Variants in LYPLAL1 observed in about 807,000 individuals in gnomAD.
LYPLAL1 encodes the protein lysophospholipase-like protein 1.
Under a neutral mutation model 19.7 loss-of-function variants are expected in LYPLAL1, and 23 were observed. The observed-to-expected ratio is 1.17, with a 90% confidence interval of 0.84 to 1.65. The LOEUF (loss-of-function observed/expected upper bound fraction) is 1.65, where lower values mean the gene tolerates loss of function less well. Among genes scored for constraint, LYPLAL1 ranks in the 40% most tolerant of loss-of-function variants. The probability of loss-of-function intolerance (pLI) is 0.00; values close to 1 mark genes in which losing one functional copy is unlikely to be tolerated. For synonymous variants in LYPLAL1, 119 were observed against 96.3 expected (o/e 1.24, Z -1.38); for missense variants, 355 against 279.4 (o/e 1.27, Z -1.93).
At chr1:219,254,416 G>A in the LYPLAL1 span, among the ~76,000 whole-genome samples, 1 of 151,968 alleles carries the variant, frequency 6.6e-6, no homozygotes, top group African/African-American at 2.4e-5. Context: ...TTAGCTGGTA[G>A]TGGTCTTTTC....
intron 2 of LYPLAL1, among the ~76,000 whole-genome samples, chr1:219,187,035 G>GT (rs142261162): frequency 6.0e-4 from 87 of 146,006 alleles, no homozygotes; most frequent in Non-Finnish European, 9.5e-4. Flanking sequence ...GTTCTTTGTT[G>GT]TTTTTTTTTT....
the LYPLAL1 span, among the ~76,000 whole-genome samples, chr1:219,327,847 C>T: frequency 6.6e-6 from 1 of 152,118 alleles, no homozygotes; most frequent in African/African-American, 2.4e-5. Context: ...GTAAGATGTG[C>T]CTTTCATCTT....
intron 2 of LYPLAL1, among the ~76,000 whole-genome samples, chr1:219,185,706 T>C (rs1314553739): frequency 6.6e-6 from 1 of 151,904 alleles, no homozygotes; most frequent in Non-Finnish European, 1.5e-5. Context: ...ACTGGAATCA[T>C]CTGAAGGCTC....
At chr1:219,434,686 G>C in the LYPLAL1 span, among the ~76,000 whole-genome samples, 2 of 152,200 alleles carry the variant, frequency 1.3e-5, no homozygotes, top group African/African-American at 4.8e-5. Context: ...CACCACTTCA[G>C]TTTAGTTAAG....
chr1:219,374,092 G>A, the LYPLAL1 span, among the ~76,000 whole-genome samples: 2 of 150,448 alleles, frequency 1.3e-5, no homozygotes, highest in Non-Finnish European at 3.0e-5. Flanking sequence ...ATATAACATT[G>A]GTTTTACAGT....
At chr1:219,298,392 G>A in the LYPLAL1 span, among the ~76,000 whole-genome samples, 2 of 152,334 alleles carry the variant, frequency 1.3e-5, no homozygotes, top group African/African-American at 4.8e-5. Context: ...CCTCACAAAT[G>A]TGTTATGCAT....
intron 3 of LYPLAL1, among the ~76,000 whole-genome samples, chr1:219,194,111 T>C (rs1321532308): frequency 6.6e-6 from 1 of 151,884 alleles, no homozygotes; most frequent in Non-Finnish European, 1.5e-5. Context: ...TAAAATCCAT[T>C]CTATTCTGTC....
chr1:219,343,179 T>G, the LYPLAL1 span, among the ~76,000 whole-genome samples: 6 of 152,200 alleles, frequency 3.9e-5, no homozygotes, highest in Admixed American at 1.3e-4. Flanking sequence ...CAAATACATT[T>G]GAATAAAATG....
chr1:219,319,292 G>T, the LYPLAL1 span, among the ~76,000 whole-genome samples: 1 of 152,150 alleles, frequency 6.6e-6, no homozygotes, highest in Non-Finnish European at 1.5e-5. Flanking sequence ...CCATAGCTGA[G>T]CCTCTGACCC....
the LYPLAL1 span, among the ~76,000 whole-genome samples, chr1:219,326,190 AG>A: frequency 6.6e-6 from 1 of 151,292 alleles, no homozygotes; most frequent in Non-Finnish European, 1.5e-5. Flanking sequence ...TTGGGATTAC[AG>A]GGGTGAGCCA....
chr1:219,391,048 G>T, the LYPLAL1 span, among the ~76,000 whole-genome samples: 1 of 152,162 alleles, frequency 6.6e-6, no homozygotes, highest in African/African-American at 2.4e-5. Context: ...ACAACAAAAG[G>T]TTAAAATCTT....
At chr1:219,267,694 G>A in the LYPLAL1 span, among the ~76,000 whole-genome samples, 3 of 152,160 alleles carry the variant, frequency 2.0e-5, no homozygotes, top group Non-Finnish European at 2.9e-5. Flanking sequence ...GAGAAAACAG[G>A]CTGCTAGAGA....
At chr1:219,218,431 C>A in the LYPLAL1 span, among the ~76,000 whole-genome samples, 1 of 151,872 alleles carries the variant, frequency 6.6e-6, no homozygotes, top group African/African-American at 2.4e-5. Flanking sequence ...GCCCACAGGC[C>A]ACATGTGGGC....
chr1:219,353,529 A>G, the LYPLAL1 span, among the ~76,000 whole-genome samples: 5 of 152,374 alleles, frequency 3.3e-5, no homozygotes, highest in Admixed American at 3.3e-4. Context: ...GGCATTTGAT[A>G]GGAGGACAGG....
At chr1:219,310,593 C>T in the LYPLAL1 span, among the ~76,000 whole-genome samples, 1 of 152,138 alleles carries the variant, frequency 6.6e-6, no homozygotes, top group Non-Finnish European at 1.5e-5. Context: ...CTTCAAAGCA[C>T]ATTTTGTGAC....
At chr1:219,385,782 G>A in the LYPLAL1 span, among the ~76,000 whole-genome samples, 143 of 152,262 alleles carry the variant, frequency 9.4e-4, 3 homozygotes, top group South Asian at 0.029. Flanking sequence ...TGCTAACAAA[G>A]AATTTTGTAG....
At chr1:219,282,371 C>G in the LYPLAL1 span, among the ~76,000 whole-genome samples, 1 of 151,728 alleles carries the variant, frequency 6.6e-6, no homozygotes, top group Non-Finnish European at 1.5e-5. Context: ...TCTCCAGCTA[C>G]TAATTAGGAG....
chr1:219,286,194 A>AT, the LYPLAL1 span, among the ~76,000 whole-genome samples: 1 of 152,268 alleles, frequency 6.6e-6, no homozygotes, highest in East Asian at 1.9e-4. Flanking sequence ...CAGTTGCAAT[A>AT]GGCTGGCTAG....
At chr1:219,395,652 T>C in the LYPLAL1 span, among the ~76,000 whole-genome samples, 2 of 152,352 alleles carry the variant, frequency 1.3e-5, no homozygotes, top group East Asian at 3.9e-4. Context: ...TTTGCTTTTG[T>C]TGCAATTGCT....
Sources: gnomAD v4.1 joint callset for allele counts (sites outside exome capture counted in the v4.1 genomes callset) on GRCh38, gnomAD v4.1.1 for gene constraint, MANE v1.5 for transcripts, NCBI Gene and HGNC (gene_info 2026-07-23, HGNC 2026-07-21) for gene names.